Variants in SLC44A5 observed in about 807,000 individuals in gnomAD.
SLC44A5 encodes choline transporter-like protein 5.
Under a neutral mutation model 101.8 loss-of-function variants are expected in SLC44A5, and 57 were observed. That is an observed-to-expected ratio of 0.56 (90% CI 0.45 to 0.70). SLC44A5 has a LOEUF of 0.70. Ranked by LOEUF, SLC44A5 falls within the 30% of genes least tolerant of loss-of-function variation. The pLI is 0.00. For missense variants in SLC44A5, 737 were observed against 853.1 expected, an observed-to-expected ratio of 0.86 and a Z score of 1.70; for synonymous variants, 281 against 290.9, an observed-to-expected ratio of 0.97 and a Z score of 0.35.
At chr1:75,630,916 C>T in the SLC44A5 span, among the ~76,000 whole-genome samples, 1 of 151,984 alleles carries the variant, frequency 6.6e-6, no homozygotes, top group South Asian at 2.1e-4. Context: ...AGAACACCAA[C>T]AGAAGGCATT....
At chr1:75,680,195 C>A in the SLC44A5 span, among the ~76,000 whole-genome samples, 3 of 152,120 alleles carry the variant, frequency 2.0e-5, no homozygotes, top group East Asian at 3.9e-4. Flanking sequence ...CAACATTAGA[C>A]AGATCAACGA....
At chr1:75,702,758 C>T in the SLC44A5 span, among the ~76,000 whole-genome samples, 2 of 152,138 alleles carry the variant, frequency 1.3e-5, no homozygotes, top group African/African-American at 4.8e-5. Context: ...GCAATCTACT[C>T]ATCTGACAAA....
chr1:75,207,195 A>G (rs1646764636), intron 23 of SLC44A5, among the ~76,000 whole-genome samples: 1 of 152,194 alleles, frequency 6.6e-6, no homozygotes, highest in African/African-American at 2.4e-5. Flanking sequence ...CCAGGGATAT[A>G]AAACAACTCG....
chr1:75,443,638 G>C (rs61083115), intron 2 of SLC44A5, among the ~76,000 whole-genome samples: 15,595 of 151,602 alleles, frequency 0.1, 963 homozygotes, highest in Admixed American at 0.19. Context: ...GTCTACCAAA[G>C]TTGTGAGGAA....
At chr1:75,707,375 T>C in the SLC44A5 span, among the ~76,000 whole-genome samples, 1 of 152,138 alleles carries the variant, frequency 6.6e-6, no homozygotes, top group Non-Finnish European at 1.5e-5. Context: ...GTAATTCACA[T>C]TTTTTTCCCT....
At chr1:75,682,735 A>G in the SLC44A5 span, among the ~76,000 whole-genome samples, 1 of 141,866 alleles carries the variant, frequency 7.0e-6, no homozygotes. Flanking sequence ...CAATGGCAAC[A>G]AAAGCCAAAA....
chr1:75,573,127 C>CAA lies in SLC44A5; in HGVS notation c.-69-31613_-69-31612dup, dbSNP rs745593621. 9.0e-3 allele frequency among the ~76,000 whole-genome samples: 151 copies of CAA among 16,694 alleles called. 23 individuals carry two copies. Among genetic ancestry groups the CAA allele is most frequent in the Middle Eastern group, 0.056 (1 of 18 alleles). 11.0% of individuals were successfully genotyped at this position (16,694 alleles called of 152,430 possible). On this transcript the variant is annotated intron_variant, in intron 1 of 23. Transcript: ENST00000370859. The stretch of plus-strand genomic sequence containing the variant: ...TGAGCGACAGAGCAAGGCTCCATCT[C>CAA]AAAAAAAAAAAAAAAAAAAAAAAAA...
the SLC44A5 span, among the ~76,000 whole-genome samples, chr1:75,616,195 C>G: frequency 6.6e-6 from 1 of 151,780 alleles, no homozygotes; most frequent in East Asian, 2.0e-4. Flanking sequence ...GCTGGGTCCC[C>G]TGAGCGCCCG....
chr1:75,251,147 A>G lies in SLC44A5; in HGVS notation c.345+63T>C, dbSNP rs1048464752. On this transcript the variant is annotated intron_variant, in intron 7 of 23. Transcript: ENST00000370859. Reference sequence around the variant, plus strand: ...ACAGAGAACTCAAATGGAATTTCTCAATTCTTTTATCCAAGAATGTTCAGA... The same window carrying G: ...ACAGAGAACTCAAATGGAATTTCTCGATTCTTTTATCCAAGAATGTTCAGA... The G allele has an allele frequency of 3.8e-6, 5 of 1,318,690 alleles. No individual in the cohort carries two copies. The African/African-American group carries it at 4.3e-5, about 11-fold the overall frequency. The allele number at this position is 1,318,690 out of a possible 1,614,324, so 81.7% of individuals were successfully genotyped here. A position where few individuals can be genotyped will look rare whatever the true frequency, so the allele number is the denominator to read the frequency against.
intron 1 of SLC44A5, among the ~76,000 whole-genome samples, chr1:75,549,914 G>T (rs1671847244): frequency 6.6e-6 from 1 of 152,078 alleles, no homozygotes; most frequent in African/African-American, 2.4e-5. Context: ...GGAATATATT[G>T]AGGGAAGAGG....
intron 5 of SLC44A5, among the ~76,000 whole-genome samples, chr1:75,283,033 T>A (rs960485110): frequency 2.6e-5 from 4 of 152,220 alleles, no homozygotes; most frequent in Non-Finnish European, 1.5e-5. Flanking sequence ...GTAGAGGGAC[T>A]GCTGGATCAA....
the SLC44A5 span, among the ~76,000 whole-genome samples, chr1:75,664,116 G>C: frequency 1.9e-5 from 2 of 108,008 alleles, no homozygotes; most frequent in Non-Finnish European, 4.6e-5. Flanking sequence ...ATCCCTTCAT[G>C]ATAAAAAACC....
chr1:75,634,343 A>T, the SLC44A5 span, among the ~76,000 whole-genome samples: 47 of 151,960 alleles, frequency 3.1e-4, no homozygotes, highest in Middle Eastern at 3.4e-3. Context: ...TGTGAATCCA[A>T]CTGGTCCTGG....
At chr1:75,459,365 T>A (rs1471279088) in intron 2 of SLC44A5, among the ~76,000 whole-genome samples, 2 of 152,238 alleles carry the variant, frequency 1.3e-5, no homozygotes, top group Non-Finnish European at 2.9e-5. Flanking sequence ...TTTTTGGACA[T>A]TCAGTTCTGA....
intron 5 of SLC44A5, among the ~76,000 whole-genome samples, chr1:75,289,847 G>C (rs1653388951): frequency 6.6e-6 from 1 of 152,170 alleles, no homozygotes; most frequent in African/African-American, 2.4e-5. Context: ...CAATGATTTG[G>C]CTACATTGTC....
At chr1:75,476,755 G>A (rs924692109) in intron 2 of SLC44A5, among the ~76,000 whole-genome samples, 7 of 152,252 alleles carry the variant, frequency 4.6e-5, no homozygotes, top group African/African-American at 1.2e-4. Flanking sequence ...AGGGAAGCTC[G>A]AACTGGGTGG....
At chr1:75,508,428 T>A (rs1009249282) in intron 2 of SLC44A5, among the ~76,000 whole-genome samples, 2 of 152,090 alleles carry the variant, frequency 1.3e-5, no homozygotes, top group African/African-American at 4.8e-5. Flanking sequence ...CATTCTAACA[T>A]CATACCTAGA....
intron 7 of SLC44A5, among the ~76,000 whole-genome samples, chr1:75,243,677 A>G (rs1158950614): frequency 6.6e-6 from 1 of 152,128 alleles, no homozygotes; most frequent in Non-Finnish European, 1.5e-5. Flanking sequence ...TAACCATAAC[A>G]CAATATCATA....
intron 2 of SLC44A5, among the ~76,000 whole-genome samples, 164 bp downstream of exon 2, chr1:75,541,271 G>A (rs1232578266): frequency 6.6e-6 from 1 of 152,122 alleles, no homozygotes; most frequent in Non-Finnish European, 1.5e-5. Flanking sequence ...AGGCAAAGAC[G>A]GAGAACCACA....
Sources: allele counts gnomAD v4.1 joint callset (sites outside exome capture counted in the v4.1 genomes callset), GRCh38; gene constraint gnomAD v4.1.1; transcripts MANE v1.5; gene names NCBI Gene and HGNC (gene_info 2026-07-23, HGNC 2026-07-21).